TANGO6: variants seen among roughly 807,000 people sequenced by gnomAD.
TANGO6 encodes the protein transport and golgi organization 6 homolog.
In TANGO6, 90 loss-of-function variants were observed where a neutral mutation model predicts 114.2. The ratio of observed to expected loss-of-function variants is 0.79; its 90% confidence interval spans 0.66 to 0.94. The LOEUF (loss-of-function observed/expected upper bound fraction) is 0.94. Ranked by LOEUF, TANGO6 falls within the 40% of genes least tolerant of loss-of-function variation. The pLI is 0.00. For synonymous variants in TANGO6, 477 were observed against 509.8 expected (o/e 0.94, Z 0.87); for missense variants, 1,274 against 1,315.3 (o/e 0.97, Z 0.49).
rs34796579 is a variant in TANGO6, at chr16:69,018,139, C to CTTTTTTTTTTTTTTTTTTT, written c.2843-4685_2843-4667dup. On this transcript the variant is annotated intron_variant, in intron 15 of 17. Coordinates refer to ENST00000261778, the MANE Select transcript of TANGO6 (RefSeq NM_024562.2). Reference sequence around the variant, plus strand: ...CACCATGCCCAGCCGTTGGAAATCTCTTTTTTTTTTTTTTTTTTTTTTGAG... The same window carrying CTTTTTTTTTTTTTTTTTTT: ...CACCATGCCCAGCCGTTGGAAATCTCTTTTTTTTTTTTTTTTTTTTTTTTTTTTTTTTTTTTTTTTTGAG... Among the ~76,000 whole-genome samples, 7 of 77,084 alleles carry CTTTTTTTTTTTTTTTTTTT rather than the reference C, an allele frequency of 9.1e-5. 2 individuals are homozygous for CTTTTTTTTTTTTTTTTTTT. The highest frequency in any genetic ancestry group is 3.3e-4 in the African/African-American group (7 of 21,528). The allele number at this position is 77,084 out of a possible 152,430, so 50.6% of individuals were successfully genotyped here. A position where few individuals can be genotyped will look rare whatever the true frequency, so the allele number is the denominator to read the frequency against.
chr16:69,023,707 G>A (rs984630025), intron 16 of TANGO6, among the ~76,000 whole-genome samples: 1 of 151,824 alleles, frequency 6.6e-6, no homozygotes, highest in African/African-American at 2.4e-5. Context: ...TTTGGCCGAG[G>A]CACCCTGTAT....
At chr16:68,987,140 G>T (rs1057386361) in intron 15 of TANGO6, among the ~76,000 whole-genome samples, 2 of 120,008 alleles carry the variant, frequency 1.7e-5, no homozygotes, top group Non-Finnish European at 3.4e-5. Context: ...TTCTGTGGAT[G>T]GGTATCCATT....
At chr16:69,042,602 T>C (rs553496225) in intron 17 of TANGO6, among the ~76,000 whole-genome samples, 1 of 152,280 alleles carries the variant, frequency 6.6e-6, no homozygotes, top group East Asian at 1.9e-4. Flanking sequence ...CTTGGAGCAC[T>C]CACCTGGAAG....
intron 17 of TANGO6, among the ~76,000 whole-genome samples, chr16:69,080,892 A>C (rs900858512): frequency 6.6e-6 from 1 of 152,140 alleles, no homozygotes; most frequent in Non-Finnish European, 1.5e-5. Context: ...TAATCCCAGC[A>C]CTTTGGGAGG....
At position 68,843,695 on chromosome 16, in the gene TANGO6, G is replaced by A. The variant is rs760991623; in HGVS notation, c.78G>A (p.Leu26=). 34 of 1,613,590 alleles carry A rather than the reference G, an allele frequency of 2.1e-5. No individual in the cohort carries two copies. The highest frequency in any genetic ancestry group is 2.8e-5 in the Non-Finnish European group (33 of 1,179,698). ...GLDRILEALK[L]LLSPGGSGSS... is the part of the protein sequence containing the mutation. ...ATCGGATTTTGGAGGCATTGAAGCTGCTGCTGAGCCCGGGAGGTGAGAGGA... is the reference window on the plus strand; with the variant it reads ...ATCGGATTTTGGAGGCATTGAAGCTACTGCTGAGCCCGGGAGGTGAGAGGA... The change falls in exon 1 of 18, where the codon CTG becomes CTA. Residue 26 remains leucine (L), a synonymous_variant. Transcript: ENST00000261778.
intron 17 of TANGO6, among the ~76,000 whole-genome samples, chr16:69,063,331 T>C (rs974528058): frequency 4.0e-5 from 6 of 151,792 alleles, no homozygotes; most frequent in African/African-American, 1.5e-4. Flanking sequence ...AAGACCATCC[T>C]GGCTAACACA....
chr16:68,845,525 T>C (rs1961789783), intron 1 of TANGO6, among the ~76,000 whole-genome samples: 1 of 152,174 alleles, frequency 6.6e-6, no homozygotes, highest in African/African-American at 2.4e-5. Flanking sequence ...TGTCTACTAT[T>C]TTATCATATT....
intron 16 of TANGO6, among the ~76,000 whole-genome samples, chr16:69,037,984 A>G (rs1302447033): frequency 6.6e-6 from 1 of 152,204 alleles, no homozygotes; most frequent in Non-Finnish European, 1.5e-5. Flanking sequence ...GCACAAGCCT[A>G]TTTCCTCACT....
intron 6 of TANGO6, among the ~76,000 whole-genome samples, chr16:68,880,134 G>A (rs1045291661): frequency 6.6e-5 from 10 of 150,582 alleles, no homozygotes; most frequent in Non-Finnish European, 1.2e-4. Flanking sequence ...CACCACACCC[G>A]GCTAACTTCT....
chr16:69,076,335 G>A (rs549386496), intron 17 of TANGO6, among the ~76,000 whole-genome samples: 56 of 150,748 alleles, frequency 3.7e-4, no homozygotes, highest in African/African-American at 1.2e-3. Flanking sequence ...CAGGTGATCC[G>A]CCTGCCTTGG....
intron 15 of TANGO6, among the ~76,000 whole-genome samples, chr16:68,993,445 A>G (rs1963962979): frequency 6.6e-6 from 1 of 152,222 alleles, no homozygotes; most frequent in South Asian, 2.1e-4. Context: ...AGATTTTTGC[A>G]TTCATTTTGA....
intron 15 of TANGO6, among the ~76,000 whole-genome samples, chr16:68,983,557 G>A (rs1567553213): frequency 6.6e-6 from 1 of 152,122 alleles, no homozygotes; most frequent in African/African-American, 2.4e-5. Flanking sequence ...TAGACAAATT[G>A]CATTGGTAAG....
intron 8 of TANGO6, among the ~76,000 whole-genome samples, 199 bp from the exon 9 acceptor site, chr16:68,902,129 C>T (rs192251565): frequency 6.6e-6 from 1 of 151,830 alleles, no homozygotes; most frequent in East Asian, 1.9e-4. Flanking sequence ...TAGTCAGTCA[C>T]TCATTGAATT....
intron 5 of TANGO6, 66 bp downstream of exon 5, chr16:68,875,356 A>G (rs752224297): frequency 1.9e-6 from 3 of 1,556,190 alleles, no homozygotes; most frequent in Non-Finnish European, 2.6e-6. Context: ...GAGGACTTTT[A>G]ATGTTCCTCT....
intron 14 of TANGO6, among the ~76,000 whole-genome samples, chr16:68,966,517 A>T (rs1171812949): frequency 2.2e-4 from 32 of 146,492 alleles, no homozygotes; most frequent in African/African-American, 8.9e-4. Context: ...AAAAAATAAA[A>T]TAAAATAAAT....
chr16:69,002,238 A>C (rs1396465790), intron 15 of TANGO6, among the ~76,000 whole-genome samples: 1 of 152,172 alleles, frequency 6.6e-6, no homozygotes, highest in Non-Finnish European at 1.5e-5. Flanking sequence ...GAAATAATTC[A>C]GTTGACTGAG....
In TANGO6 at chr16:68,954,722, AACACAC is replaced by A. The variant is rs564314176; in HGVS notation, c.2702-19304_2702-19299del. Among the ~76,000 whole-genome samples, 80 of 152,362 alleles carry A rather than the reference AACACAC, an allele frequency of 5.3e-4. No homozygotes were observed. In the East Asian group the frequency reaches 0.014, roughly 28 times the overall value. ...TACAAATTTCTGAGCTTGGTTGTCC[AACACAC>A]AGCCCTTAACCATTATGAAAAACAT... On this transcript the variant is annotated intron_variant, in intron 14 of 17. Coordinates refer to ENST00000261778, the MANE Select transcript of TANGO6 (RefSeq NM_024562.2).
rs577262659 is a variant in TANGO6, at chr16:69,006,615, G to A, written c.2843-16213G>A. Among the ~76,000 whole-genome samples, 12 of 152,098 alleles carry A rather than the reference G, an allele frequency of 7.9e-5. No individual in the cohort carries two copies. The South Asian group carries it at 2.3e-3, about 29-fold the overall frequency. On this transcript the variant is annotated intron_variant, in intron 15 of 17. Coordinates refer to ENST00000261778, the MANE Select transcript of TANGO6 (RefSeq NM_024562.2). ...AAAATACAAAAATTAGCTGGGCATGGTGGCACGCGCCTGTAATCCCATCTA... is the reference window on the plus strand; with the variant it reads ...AAAATACAAAAATTAGCTGGGCATGATGGCACGCGCCTGTAATCCCATCTA...
chr16:68,977,546 A>C (rs575683297), intron 15 of TANGO6, among the ~76,000 whole-genome samples: 2 of 150,866 alleles, frequency 1.3e-5, no homozygotes, highest in Admixed American at 1.3e-4. Context: ...TCTACTAAAA[A>C]TACAAAATTA....
Sources: gnomAD v4.1 joint callset for allele counts (sites outside exome capture counted in the v4.1 genomes callset) on GRCh38, gnomAD v4.1.1 for gene constraint, MANE v1.5 for transcripts, NCBI Gene and HGNC (gene_info 2026-07-23, HGNC 2026-07-21) for gene names.